CCDC146: variants seen among roughly 807,000 people sequenced by gnomAD.
CCDC146 encodes coiled-coil domain containing 146, also known as coiled-coil domain-containing protein 146.
CCDC146 carries 92 observed loss-of-function variants against 119.3 expected under a neutral mutation model. The ratio of observed to expected loss-of-function variants is 0.77; its 90% CI spans 0.65 to 0.92. The LOEUF (loss-of-function observed/expected upper bound fraction) is 0.92, where lower values mean the gene tolerates loss of function less well. CCDC146 is among the 40% of genes least tolerant of loss of function. CCDC146 has a pLI of 0.00. For missense variants in CCDC146, 1,000 were observed against 1,103.0 expected (o/e 0.91, Z 1.32); for synonymous variants, 372 against 371.8 (o/e 1.00, Z -0.01).
intron 1 of CCDC146, among the ~76,000 whole-genome samples, chr7:77,123,403 GGTGTGTGTGTGTGTGTGTGTGT>G (rs557580080): frequency 3.2e-4 from 40 of 125,256 alleles, no homozygotes; most frequent in African/African-American, 9.4e-4. Flanking sequence ...GACCCTATAA[GGTGTGTGTGTGTGTGTGTGTGT>G]GTGTGTGTGT....
chr7:77,242,235 A>G (rs3108409), intron 4 of CCDC146: 363,519 of 392,512 alleles, frequency 0.93, 168,632 homozygotes, highest in African/African-American at 0.98. Context: ...CCCTCATCCC[A>G]TGACTATAGC....
chr7:77,218,933 G>A (rs555351507), intron 2 of CCDC146, among the ~76,000 whole-genome samples: 7 of 152,010 alleles, frequency 4.6e-5, no homozygotes, highest in Non-Finnish European at 8.8e-5. Flanking sequence ...CACACTAAAA[G>A]CACCTGCAGA....
chr7:77,282,842 T>A, intron 15 of CCDC146, 57 bp downstream of exon 15: 1 of 1,243,804 alleles, frequency 8.0e-7, no homozygotes, highest in Non-Finnish European at 1.2e-6. Flanking sequence ...CTGCCTTTAT[T>A]AGTTTGTGGG....
chr7:77,209,121 C>T (rs1792131429), intron 2 of CCDC146, among the ~76,000 whole-genome samples: 1 of 152,208 alleles, frequency 6.6e-6, no homozygotes, highest in Non-Finnish European at 1.5e-5. Flanking sequence ...CCAACATTAA[C>T]TCAAAAGTCC....
Position 77,292,935 on chromosome 7 carries a change from G to A in CCDC146, c.2416-17G>A, listed in dbSNP as rs745371809. 6.2e-7 allele frequency: 1 copy of A among 1,610,906 alleles called. No homozygotes were observed. Among genetic ancestry groups the A allele is most frequent in the East Asian group, 2.2e-5 (1 of 44,874 alleles). On this transcript the variant is annotated splice_polypyrimidine_tract_variant and intron_variant, in intron 17 of 18. Transcript: ENST00000285871. ...GGACTGTATACATAGACTAAGCTTT[G>A]GGCTCTTTAATTCTAGATGAATGGC... is the stretch of plus-strand genomic sequence containing the variant.
In CCDC146 at chr7:77,222,324, C is replaced by G. The variant is rs145803155; in HGVS notation, c.157-14623C>G. Among the ~76,000 whole-genome samples the G allele has an allele frequency of 1.4e-3, 210 of 152,318 alleles. 1 individual carries two copies. The highest frequency in any genetic ancestry group is 4.8e-3 in the African/African-American group (199 of 41,568). On this transcript the variant is annotated intron_variant, in intron 2 of 18. Coordinates refer to ENST00000285871, the MANE Select transcript of CCDC146 (RefSeq NM_020879.3). Reference sequence around the variant, plus strand: ...AAGTGAAGGGCACTCGGGGATGCCTCCATGCTAAATGCACTATTACTGATG... The same window carrying G: ...AAGTGAAGGGCACTCGGGGATGCCTGCATGCTAAATGCACTATTACTGATG...
chr7:77,166,770 T>C (rs1791342992), intron 1 of CCDC146, among the ~76,000 whole-genome samples: 1 of 152,188 alleles, frequency 6.6e-6, no homozygotes, highest in South Asian at 2.1e-4. Context: ...TTCTGACATT[T>C]TGACAAGGAA....
At chr7:77,181,195 C>A (rs973087460) in intron 2 of CCDC146, among the ~76,000 whole-genome samples, 3 of 152,026 alleles carry the variant, frequency 2.0e-5, no homozygotes, top group Non-Finnish European at 4.4e-5. Context: ...GAACTGTGGG[C>A]AAGAGCCTTT....
intron 2 of CCDC146, among the ~76,000 whole-genome samples, chr7:77,217,560 T>TAGAGAG (rs200588758): frequency 7.3e-6 from 1 of 137,496 alleles, no homozygotes. Flanking sequence ...CATATATATA[T>TAGAGAG]ATAGAGAGAG....
intron 2 of CCDC146, among the ~76,000 whole-genome samples, chr7:77,221,610 C>T (rs558915418): frequency 6.6e-6 from 1 of 152,314 alleles, no homozygotes; most frequent in South Asian, 2.1e-4. Flanking sequence ...CAGGCATGTG[C>T]TGAGCACCTG....
chr7:77,276,020 A>G (rs1321525123), intron 11 of CCDC146, among the ~76,000 whole-genome samples: 2 of 152,022 alleles, frequency 1.3e-5, no homozygotes, highest in African/African-American at 4.8e-5. Context: ...CAGCCTGACC[A>G]ACATGGTGAA....
chr7:77,209,762 C>T (rs1792147655), intron 2 of CCDC146, among the ~76,000 whole-genome samples: 1 of 152,206 alleles, frequency 6.6e-6, no homozygotes, highest in African/African-American at 2.4e-5. Flanking sequence ...TTGCCCTCTG[C>T]ACACCCACAG....
At chr7:77,277,362 A>T (rs1793669236) in intron 11 of CCDC146, among the ~76,000 whole-genome samples, 1 of 152,266 alleles carries the variant, frequency 6.6e-6, no homozygotes, top group Non-Finnish European at 1.5e-5. Context: ...TCTATGTGTG[A>T]CTAATCTATG....
chr7:77,179,329 A>G (rs564894320), intron 2 of CCDC146, among the ~76,000 whole-genome samples: 8 of 152,254 alleles, frequency 5.3e-5, no homozygotes, highest in Admixed American at 4.6e-4. Context: ...AGAATAGTAA[A>G]CAATGAAAAG....
At chr7:77,237,507 C>T (rs1562843413) in intron 3 of CCDC146, among the ~76,000 whole-genome samples, 1 of 152,166 alleles carries the variant, frequency 6.6e-6, no homozygotes, top group Non-Finnish European at 1.5e-5. Context: ...TGGTAACTGT[C>T]CACTAAAGCT....
At chr7:77,162,441 G>T (rs947233516) in intron 1 of CCDC146, among the ~76,000 whole-genome samples, 4 of 152,156 alleles carry the variant, frequency 2.6e-5, no homozygotes, top group African/African-American at 9.7e-5. Flanking sequence ...AAAATTACTT[G>T]ACTGTATATG....
chr7:77,288,035 G>A (rs1322772662), intron 17 of CCDC146, among the ~76,000 whole-genome samples: 1 of 152,178 alleles, frequency 6.6e-6, no homozygotes, highest in East Asian at 1.9e-4. Context: ...CACCATGGAG[G>A]TGCCCACCAG....
chr7:77,196,955 T>C lies in CCDC146; in HGVS notation c.156+29131T>C, dbSNP rs1334563704. 23 of 1,610,238 alleles carry C rather than the reference T, an allele frequency of 1.4e-5. No homozygotes were observed. The East Asian group carries it at 4.9e-4, about 34-fold the overall frequency. On this transcript the variant is annotated intron_variant, in intron 2 of 18. Coordinates refer to ENST00000285871, the MANE Select transcript of CCDC146 (RefSeq NM_020879.3). This position sits in a 1 kb window ranked among gnomAD's most constrained non-coding sequence, Gnocchi z 4.2. ...GCTTCTTTTGCCTATTGCGTAGTAG[T>C]CAGAGCAATCTTTATATATTAGATG...
chr7:77,177,773 CTAT>C (rs1179341381), intron 2 of CCDC146, among the ~76,000 whole-genome samples: 1 of 152,126 alleles, frequency 6.6e-6, no homozygotes, highest in African/African-American at 2.4e-5. Flanking sequence ...GCAAATCTTG[CTAT>C]TATTGGCATG....
Sources: allele counts gnomAD v4.1 joint callset (sites outside exome capture counted in the v4.1 genomes callset), GRCh38; gene constraint gnomAD v4.1.1; non-coding constraint Gnocchi (gnomAD v3.1); transcripts MANE v1.5; gene names NCBI Gene and HGNC (gene_info 2026-07-23, HGNC 2026-07-21).